Variants in CUL9 observed in about 807,000 individuals in gnomAD.
The protein encoded by CUL9 is cullin 9.
A neutral mutation model predicts 272.6 loss-of-function variants in CUL9; 79 were observed. The observed-to-expected ratio is 0.29, with a 90% CI of 0.24 to 0.35. The LOEUF is 0.35. Ranked by LOEUF, CUL9 falls within the 10% of genes least tolerant of loss-of-function variation. The pLI is 1.00. For missense variants in CUL9, 2,532 were observed against 3,255.6 expected (o/e 0.78, Z 5.41); for synonymous variants, 1,186 against 1,286.5 (o/e 0.92, Z 1.67).
At chr6:43,198,445 T>A in intron 11 of CUL9, 164 bp from the exon 12 acceptor site, 2 of 985,288 alleles carry the variant, frequency 2.0e-6, no homozygotes, top group Non-Finnish European at 2.4e-6. Flanking sequence ...GGTTTGTATT[T>A]GGGGTCAGGA....
intron 1 of CUL9, among the ~76,000 whole-genome samples, chr6:43,183,145 G>A (rs993653934): frequency 6.6e-6 from 1 of 152,196 alleles, no homozygotes; most frequent in Admixed American, 6.5e-5. Flanking sequence ...AGAATTCAGA[G>A]TCACATTTAT....
At chr6:43,185,393 A>G in intron 2 of CUL9, 63 bp from the exon 3 acceptor site, 1 of 1,558,438 alleles carries the variant, frequency 6.4e-7, no homozygotes, top group Non-Finnish European at 8.7e-7. Flanking sequence ...GATAGAATCT[A>G]GGAAAGGCAG....
intron 2 of CUL9, 96 bp downstream of exon 2, chr6:43,185,001 A>G: frequency 1.1e-6 from 1 of 943,692 alleles, no homozygotes; most frequent in East Asian, 2.6e-5. Context: ...AAGAACACCT[A>G]GTATTTGGTG....
chr6:43,185,659 AT>A (rs1405046804), intron 3 of CUL9, 49 bp downstream of exon 3: 1 of 1,570,332 alleles, frequency 6.4e-7, no homozygotes, highest in Admixed American at 1.7e-5. Context: ...CTAAGACATT[AT>A]TTATGAAAAC....
Position 43,206,146 on chromosome 6 carries a change from C to T in CUL9, c.4933C>T (p.Arg1645Cys), listed in dbSNP as rs568298914. 474 of 1,614,098 alleles carry T rather than the reference C, an allele frequency of 2.9e-4. 5 individuals carry two copies. In the South Asian group the frequency reaches 4.9e-3, roughly 17 times the overall value. Residue 1645 changes from arginine (R) to cysteine (C), a missense_variant, in exon 25 of 41, where the codon CGC becomes TGC. Physicochemically the swap from Arg to Cys is radical, Grantham distance 180. This residue lies in a region of CUL9 where 2,218 missense variants were observed against 2,788.6 expected (regional missense o/e 0.80). Coordinates refer to ENST00000252050, the MANE Select transcript of CUL9 (RefSeq NM_015089.4). The surrounding 1 kb of genome is among the most constrained non-coding windows in gnomAD (Gnocchi z 4.8). The stretch of plus-strand genomic sequence containing the variant: ...CCTGAGCACCTCTGAGGAGCTGCAG[C>T]GCCAGTTCCACCTCTTCCAGCTCCA... ...QSLSTSEELQRQFHLFQLQRL... is the reference protein window; with the variant it reads ...QSLSTSEELQCQFHLFQLQRL...
intron 9 of CUL9, 104 bp downstream of exon 9, chr6:43,193,312 C>G (rs1773695431): frequency 1.0e-6 from 1 of 962,628 alleles, no homozygotes; most frequent in Non-Finnish European, 1.6e-6. Flanking sequence ...AGTGAGTAGA[C>G]TTTGGAATGG....
In CUL9 at chr6:43,187,088, G is replaced by T; in HGVS notation, c.1380G>T (p.Leu460Phe). 1 of 1,613,940 alleles carries T rather than the reference G, an allele frequency of 6.2e-7. No individual in the cohort carries two copies. Among genetic ancestry groups the T allele is most frequent in the African/African-American group, 1.3e-5 (1 of 75,004 alleles). The change falls in exon 5 of 41, where the codon TTG (leucine) becomes TTT (phenylalanine). Residue 460 changes from leucine (L) to phenylalanine (F), a missense_variant. Physicochemically the swap from Leu to Phe is conservative, Grantham distance 22 (BLOSUM62 0). Around this residue, in one of 3 missense-constraint regions of CUL9, gnomAD observed 2,218 missense variants for 2,788.6 expected, o/e 0.80. Coordinates refer to ENST00000252050, the MANE Select transcript of CUL9 (RefSeq NM_015089.4). Reference sequence around the variant, plus strand: ...AGAAGGGGGCAGGGGCTACTGTGTTGGGCACAGGTGAGCCTAAGAGGGGAC... The same window carrying T: ...AGAAGGGGGCAGGGGCTACTGTGTTTGGCACAGGTGAGCCTAAGAGGGGAC... The part of the protein sequence containing the change: ...AVEKGAGATV[L>F]GTAFPSWDWN...
chr6:43,203,317 T>C lies in CUL9; in HGVS notation c.3850-100T>C. The stretch of plus-strand genomic sequence containing the variant: ...GTTGAGTCCCAGAGATGTGGGGATG[T>C]CCTGAGCAGTTCTAGGGAGCTCAGG... On this transcript the variant is annotated intron_variant, in intron 18 of 40. Transcript: ENST00000252050. This position sits in a 1 kb window ranked among gnomAD's most constrained non-coding sequence, Gnocchi z 5.0. 6.3e-7 allele frequency: 1 copy of C among 1,591,292 alleles called. No individual in the cohort carries two copies. Among genetic ancestry groups the C allele is most frequent in the Non-Finnish European group, 8.6e-7 (1 of 1,160,768 alleles).
intron 8 of CUL9, among the ~76,000 whole-genome samples, chr6:43,191,314 TG>T (rs1160345543): frequency 4.7e-5 from 7 of 148,846 alleles, no homozygotes; most frequent in African/African-American, 1.5e-4. Flanking sequence ...TTTTTTTGTT[TG>T]TTTTTTTGTT....
chr6:43,191,307 T>TG (rs1323834213), intron 8 of CUL9, among the ~76,000 whole-genome samples: 1 of 145,472 alleles, frequency 6.9e-6, no homozygotes, highest in African/African-American at 2.7e-5. Flanking sequence ...TTGTTTTTTT[T>TG]TTTGTTTGTT....
chr6:43,196,330 C>G, intron 10 of CUL9, 65 bp downstream of exon 10: 1 of 1,461,258 alleles, frequency 6.8e-7, no homozygotes, highest in African/African-American at 1.4e-5. Flanking sequence ...CTCCTGTGCT[C>G]CAGGCTCATG....
chr6:43,183,560 C>G (rs1772620041), intron 1 of CUL9, among the ~76,000 whole-genome samples: 1 of 152,194 alleles, frequency 6.6e-6, no homozygotes, highest in African/African-American at 2.4e-5. Context: ...CCTGTCCACC[C>G]ATGTCATTCT....
chr6:43,201,313 G>C (rs1029416545), intron 16 of CUL9, among the ~76,000 whole-genome samples: 1 of 152,106 alleles, frequency 6.6e-6, no homozygotes, highest in African/African-American at 2.4e-5. Context: ...CTGGAAGGAG[G>C]GGGTGACTGA....
chr6:43,205,165 A>T (rs773530419), intron 23 of CUL9, 50 bp downstream of exon 23: 3 of 1,575,676 alleles, frequency 1.9e-6, no homozygotes, highest in East Asian at 2.3e-5. Flanking sequence ...TTCCAAGTTC[A>T]TCTCTTTCTG....
chr6:43,219,326 C>T (rs1776158890), intron 31 of CUL9, among the ~76,000 whole-genome samples: 1 of 152,192 alleles, frequency 6.6e-6, no homozygotes, highest in African/African-American at 2.4e-5. Context: ...AGAGAAGCAG[C>T]CGGACAGCTC....
At chr6:43,198,282 T>C (rs1774190193) in intron 11 of CUL9, 1 of 984,596 alleles carries the variant, frequency 1.0e-6, no homozygotes, top group African/African-American at 1.7e-5. Flanking sequence ...TCTGTGTACC[T>C]AAAGCCACCA....
rs1775067922 is a variant in CUL9, at chr6:43,206,633, T to C, written c.5212+123T>C. ...AAAAATATCAGCTCCTAGCGAGGGATGAGAAAGCATGGGTTGTAGTTTCAT... is the reference window on the plus strand; with the variant it reads ...AAAAATATCAGCTCCTAGCGAGGGACGAGAAAGCATGGGTTGTAGTTTCAT... On this transcript the variant is annotated intron_variant, in intron 26 of 40. Transcript: ENST00000252050. The surrounding 1 kb of genome is among the most constrained non-coding windows in gnomAD (Gnocchi z 4.8). 1.3e-6 allele frequency: 1 copy of C among 758,484 alleles called. No homozygotes were observed. The highest frequency in any genetic ancestry group is 2.1e-6 in the Non-Finnish European group (1 of 468,614). The allele number at this position is 758,484 out of a possible 1,614,324, so 47.0% of individuals were successfully genotyped here.
At chr6:43,189,126 G>T (rs1773184352) in intron 8 of CUL9, among the ~76,000 whole-genome samples, 1 of 141,252 alleles carries the variant, frequency 7.1e-6, no homozygotes. Context: ...TTTTTTTTCT[G>T]TCCCTACGTA....
intron 36 of CUL9, 53 bp downstream of exon 36, chr6:43,222,443 T>TTGGGGGGGGG: frequency 1.9e-6 from 1 of 526,476 alleles, no homozygotes; most frequent in Non-Finnish European, 3.1e-6. Context: ...GTTGGGGTGG[T>TTGGGGGGGGG]GGGGTGGAGG....
Sources: allele counts gnomAD v4.1 joint callset (sites outside exome capture counted in the v4.1 genomes callset), GRCh38; gene constraint gnomAD v4.1.1; regional missense constraint gnomAD v4.1.1; non-coding constraint Gnocchi (gnomAD v3.1); transcripts MANE v1.5; gene names NCBI Gene and HGNC (gene_info 2026-07-23, HGNC 2026-07-21).